TANC2: variants seen among roughly 807,000 people sequenced by gnomAD.
TANC2 encodes tetratricopeptide repeat, ankyrin repeat and coiled-coil containing 2, also known as protein TANC2.
TANC2 carries 26 observed loss-of-function variants against 210.5 expected under a neutral mutation model. The ratio of observed to expected loss-of-function variants is 0.12; its 90% CI spans 0.09 to 0.17. The LOEUF is 0.17. Among genes scored for constraint, TANC2 ranks in the 10% least tolerant of loss-of-function variants. The pLI, the probability that TANC2 is intolerant of heterozygous loss-of-function variation, is 1.00. For synonymous variants in TANC2, 931 were observed against 967.1 expected, an observed-to-expected ratio of 0.96 and a Z score of 0.69; for missense variants, 2,129 against 2,608.9, an observed-to-expected ratio of 0.82 and a Z score of 4.01.
chr17:63,164,129 CTTTTTTTTT>C (rs529912657), intron 5 of TANC2, among the ~76,000 whole-genome samples: 1 of 126,822 alleles, frequency 7.9e-6, no homozygotes, highest in African/African-American at 2.9e-5. Context: ...GCATCAGCAG[CTTTTTTTTT>C]TTTTTTTTTT....
rs562120932 is a variant in TANC2, at chr17:63,012,010, A to G, written c.67+2384A>G. ...TCCTCTCTTCCTTTCTTTTGTGTTG[A>G]TCAAAACTTTTTTTTTTTTTTTTTG... On this transcript the variant is annotated intron_variant, in intron 2 of 27. Transcript: ENST00000689528. 9.9e-5 allele frequency among the ~76,000 whole-genome samples: 14 copies of G among 141,834 alleles called. 1 individual carries two copies. The highest frequency in any genetic ancestry group is 8.4e-4 in the Admixed American group (12 of 14,250). The allele number at this position is 141,834 out of a possible 152,430, so 93.0% of individuals were successfully genotyped here.
rs1207165448 is a variant in TANC2, at chr17:63,421,017, G to C, written c.5287G>C (p.Ala1763Pro). The C allele has an allele frequency of 3.7e-6, 6 of 1,613,972 alleles. No individual in the cohort carries two copies. In the South Asian group the frequency reaches 6.6e-5, roughly 18 times the overall value. ...TGGAAGGCCGGTGCAGCATGTCCAAGCCAGCCTGAGTGCAGGCGCCATCTG... is the reference window on the plus strand; with the variant it reads ...TGGAAGGCCGGTGCAGCATGTCCAACCCAGCCTGAGTGCAGGCGCCATCTG... The change falls in exon 28 of 28, where the codon GCC becomes CCC. Residue 1763 changes from alanine to proline, a missense_variant. This residue lies in a region of TANC2 where 584 missense variants were observed against 627.3 expected (regional missense o/e 0.93). Coordinates refer to ENST00000689528, the Ensembl canonical transcript of TANC2. The surrounding 1 kb of genome is among the most constrained non-coding windows in gnomAD (Gnocchi z 6.9).
At chr17:63,406,307 C>A in intron 21 of TANC2, 30 bp downstream of exon 21, 1 of 1,607,606 alleles carries the variant, frequency 6.2e-7, no homozygotes, top group Non-Finnish European at 8.5e-7. Context: ...AGCTGGCTGG[C>A]CAGTTTCCAT....
chr17:63,209,927 C>T (rs1263585854), intron 7 of TANC2, among the ~76,000 whole-genome samples: 1 of 152,176 alleles, frequency 6.6e-6, no homozygotes, highest in Non-Finnish European at 1.5e-5. Flanking sequence ...TTTATTCTCT[C>T]AATGGTGTAA....
chr17:63,018,873 G>A (rs943743113), intron 2 of TANC2, among the ~76,000 whole-genome samples: 9 of 152,080 alleles, frequency 5.9e-5, no homozygotes, highest in African/African-American at 1.7e-4. Context: ...CCAGGTTGTC[G>A]TGTATCAATA....
intron 8 of TANC2, among the ~76,000 whole-genome samples, chr17:63,252,066 G>A (rs531514593): frequency 6.6e-6 from 1 of 152,160 alleles, no homozygotes; most frequent in South Asian, 2.1e-4. Flanking sequence ...GTGGCTAAAA[G>A]TACTTGCCAG....
intron 4 of TANC2, among the ~76,000 whole-genome samples, chr17:63,122,172 T>A (rs1179280390): frequency 6.6e-6 from 1 of 152,182 alleles, no homozygotes; most frequent in Non-Finnish European, 1.5e-5. Flanking sequence ...TAGAGAAGAA[T>A]GATGATAGAG....
chr17:63,253,673 C>A (rs1255033367), intron 8 of TANC2, among the ~76,000 whole-genome samples: 2 of 152,022 alleles, frequency 1.3e-5, no homozygotes, highest in Non-Finnish European at 2.9e-5. Context: ...AATGCAGTGG[C>A]ACAATTATGG....
chr17:63,243,104 A>G (rs910498618), intron 8 of TANC2, among the ~76,000 whole-genome samples: 1 of 152,324 alleles, frequency 6.6e-6, no homozygotes, highest in East Asian at 1.9e-4. Flanking sequence ...ATCTTTTTCC[A>G]GCATCCAAGC....
chr17:63,415,436 C>A, intron 25 of TANC2, 92 bp from the exon 26 acceptor site: 1 of 1,514,670 alleles, frequency 6.6e-7, no homozygotes, highest in South Asian at 1.3e-5. Flanking sequence ...CCCTTAGTAA[C>A]AGCTGCTGAG....
At chr17:63,166,828 G>A (rs1429579768) in intron 5 of TANC2, among the ~76,000 whole-genome samples, 2 of 152,162 alleles carry the variant, frequency 1.3e-5, no homozygotes, top group African/African-American at 4.8e-5. Context: ...AAATGTTCGA[G>A]TTGTAAGGGT....
At chr17:62,998,925 A>G (rs1057286817) in intron 1 of TANC2, among the ~76,000 whole-genome samples, 3 of 152,236 alleles carry the variant, frequency 2.0e-5, no homozygotes, top group African/African-American at 7.2e-5. Context: ...CATAGAGTCA[A>G]AGTAAAGGGA....
At chr17:63,218,935 G>T (rs2042095739) in intron 7 of TANC2, among the ~76,000 whole-genome samples, 1 of 151,970 alleles carries the variant, frequency 6.6e-6, no homozygotes, top group Non-Finnish European at 1.5e-5. Context: ...AAGTCTCAAG[G>T]TGTAGGATCA....
Position 63,315,579 on chromosome 17 carries a change from A to G in TANC2, c.1441+910A>G, listed in dbSNP as rs118008475. On this transcript the variant is annotated intron_variant, in intron 10 of 27. Coordinates refer to ENST00000689528, the Ensembl canonical transcript of TANC2. ...CCAGTTTACCTGGTTTCTGTTAGTT[A>G]GAAGAGAACAAAAAAAGAAACTATT... Among the ~76,000 whole-genome samples, 516 of 152,344 alleles carry G rather than the reference A, an allele frequency of 3.4e-3. 3 individuals carry two copies. Among genetic ancestry groups the G allele is most frequent in the Non-Finnish European group, 5.4e-3 (369 of 68,038 alleles).
chr17:63,192,924 A>G (rs1053568973), intron 5 of TANC2, among the ~76,000 whole-genome samples: 6 of 152,208 alleles, frequency 3.9e-5, no homozygotes. Context: ...AACCATGTAC[A>G]TAGGAAACAC....
At chr17:63,198,921 G>A (rs1179115130) in intron 6 of TANC2, among the ~76,000 whole-genome samples, 2 of 152,176 alleles carry the variant, frequency 1.3e-5, no homozygotes, top group African/African-American at 4.8e-5. Context: ...AGAGCTTACT[G>A]TGTTGTTAAG....
chr17:63,267,677 C>A (rs1022663567), intron 8 of TANC2, 71 bp from the exon 9 acceptor site: 12 of 1,513,534 alleles, frequency 7.9e-6, no homozygotes, highest in African/African-American at 1.4e-5. Flanking sequence ...TCCAAAGTTC[C>A]GGAGATACAG....
At chr17:63,283,353 T>G (rs1434141432) in intron 9 of TANC2, among the ~76,000 whole-genome samples, 1 of 152,008 alleles carries the variant, frequency 6.6e-6, no homozygotes, top group Non-Finnish European at 1.5e-5. Flanking sequence ...TAACATACTT[T>G]ATTACTGTAG....
At chr17:63,235,404 T>A (rs2042593542) in intron 7 of TANC2, among the ~76,000 whole-genome samples, 1 of 152,020 alleles carries the variant, frequency 6.6e-6, no homozygotes, top group South Asian at 2.1e-4. Flanking sequence ...TCTCATAAGG[T>A]TTCCAAAGGG....
Sources: gnomAD v4.1 joint callset for allele counts (sites outside exome capture counted in the v4.1 genomes callset) on GRCh38, gnomAD v4.1.1 for gene constraint, gnomAD v4.1.1 regional missense constraint, Gnocchi (gnomAD v3.1) non-coding constraint, MANE v1.5 for transcripts, NCBI Gene and HGNC (gene_info 2026-07-23, HGNC 2026-07-21) for gene names.